CTNNA2: variants seen among roughly 807,000 people sequenced by gnomAD.
The protein encoded by CTNNA2 is catenin alpha 2.
CTNNA2 carries 42 observed loss-of-function variants against 101.0 expected under a neutral mutation model. The ratio of observed to expected loss-of-function variants is 0.42; its 90% CI spans 0.32 to 0.54. The LOEUF is 0.54. Ranked by LOEUF, CTNNA2 falls within the 20% of genes least tolerant of loss-of-function variation. CTNNA2 has a pLI of 0.14. For missense variants in CTNNA2, 871 were observed against 1,223.1 expected (o/e 0.71, Z 4.29); for synonymous variants, 450 against 456.4 (o/e 0.99, Z 0.18).
At chr2:79,578,584 T>A (rs544280374) in intron 1 of CTNNA2, among the ~76,000 whole-genome samples, 5 of 152,174 alleles carry the variant, frequency 3.3e-5, no homozygotes, top group African/African-American at 1.2e-4. Context: ...GATCTGATTA[T>A]TTTTTATTGT....
chr2:79,756,674 T>A (rs1672423194), intron 3 of CTNNA2, among the ~76,000 whole-genome samples: 2 of 152,110 alleles, frequency 1.3e-5, no homozygotes, highest in African/African-American at 2.4e-5. Context: ...AATTACATAT[T>A]TGATGAAAGA....
At chr2:79,947,942 T>G (rs972146228) in intron 7 of CTNNA2, among the ~76,000 whole-genome samples, 1 of 152,178 alleles carries the variant, frequency 6.6e-6, no homozygotes, top group East Asian at 1.9e-4. Context: ...GGGGACTGTG[T>G]GGCAACAGTG....
intron 7 of CTNNA2, among the ~76,000 whole-genome samples, chr2:79,967,081 T>C (rs1228386166): frequency 6.6e-6 from 1 of 150,654 alleles, no homozygotes; most frequent in Non-Finnish European, 1.5e-5. Flanking sequence ...CTGACTTCTC[T>C]GTGCTCAAGC....
chr2:79,596,726 C>T (rs1274263760), intron 1 of CTNNA2, among the ~76,000 whole-genome samples: 1 of 152,190 alleles, frequency 6.6e-6, no homozygotes, highest in Non-Finnish European at 1.5e-5. Flanking sequence ...TTCCATTTCT[C>T]TCTAAAACTC....
chr2:79,874,479 A>G (rs1409096753), intron 6 of CTNNA2, 137 bp downstream of exon 6: 3 of 1,047,878 alleles, frequency 2.9e-6, no homozygotes, highest in Middle Eastern at 3.2e-4. Flanking sequence ...AAGATAAACT[A>G]CATAATGCAT....
chr2:80,577,416 C>A (rs1434068216), intron 13 of CTNNA2, among the ~76,000 whole-genome samples: 2 of 151,984 alleles, frequency 1.3e-5, no homozygotes, highest in African/African-American at 4.8e-5. Context: ...ATGTTTCCGG[C>A]GGAGGAAATG....
At chr2:80,412,862 G>A (rs147912776) in intron 8 of CTNNA2, among the ~76,000 whole-genome samples, 122 of 152,190 alleles carry the variant, frequency 8.0e-4, no homozygotes, top group African/African-American at 2.9e-3. Context: ...TCATGGGGAT[G>A]GCAGAGAACA....
chr2:80,022,439 G>A lies in CTNNA2; in HGVS notation c.1056+112642G>A, dbSNP rs116278305. Among the ~76,000 whole-genome samples, 764 of 152,250 alleles carry A rather than the reference G, an allele frequency of 5.0e-3. 3 individuals carry two copies. The highest frequency in any genetic ancestry group is 0.017 in the Middle Eastern group (5 of 294). ...TAAACACAAACAAGGGTGGGAAAGC[G>A]TTTGATCTGAGAGCTGAAGGGCAAA... is the stretch of plus-strand genomic sequence containing the variant. On this transcript the variant is annotated intron_variant, in intron 7 of 18. Transcript: ENST00000402739.
At chr2:79,255,647 A>G (rs1390670517) in intron 2 of CTNNA2, among the ~76,000 whole-genome samples, 1 of 152,200 alleles carries the variant, frequency 6.6e-6, no homozygotes, top group East Asian at 1.9e-4. Context: ...TGGAAAGGCT[A>G]AATGGCAGAG....
rs1007944902 is a variant in CTNNA2, at chr2:79,393,326, T to C, written c.-135+19313T>C. ...AACAGCTTGGTAAGCAAAACCAGCG[T>C]CAAGTGCAAAGTTCTGCAAACTGTG... On this transcript the variant is annotated intron_variant, in intron 4 of 21. Coordinates refer to the CTNNA2 transcript ENST00000466387. Among the ~76,000 whole-genome samples, 4 of 152,250 alleles carry C rather than the reference T, an allele frequency of 2.6e-5. No homozygotes were observed. In the South Asian group the frequency reaches 8.3e-4, roughly 32 times the overall value.
intron 6 of CTNNA2, among the ~76,000 whole-genome samples, chr2:79,875,017 T>A (rs2916495): frequency 0.27 from 40,577 of 152,038 alleles, 5,681 homozygotes; most frequent in Middle Eastern, 0.35. Flanking sequence ...TTTAAATCAG[T>A]GATAAAGTAC....
chr2:80,288,647 TTA>T (rs1674976853), intron 7 of CTNNA2: 1 of 152,198 alleles, frequency 6.6e-6, no homozygotes, highest in South Asian at 2.1e-4. Context: ...GAAATTGCTG[TTA>T]TGCAGTCTGC....
At chr2:79,472,355 G>A (rs1030778030) in intron 4 of CTNNA2, among the ~76,000 whole-genome samples, 2 of 152,252 alleles carry the variant, frequency 1.3e-5, no homozygotes, top group African/African-American at 4.8e-5. Context: ...CTGTCTGCCA[G>A]GTGGCCTACT....
intron 7 of CTNNA2, among the ~76,000 whole-genome samples, chr2:80,210,435 T>C (rs1707812614): frequency 6.6e-6 from 1 of 152,088 alleles, no homozygotes; most frequent in African/African-American, 2.4e-5. Flanking sequence ...CATTGTTCAG[T>C]TCCCACCTAT....
chr2:80,084,375 A>T lies in CTNNA2; in HGVS notation c.1056+174578A>T, dbSNP rs117139694. 7.4e-4 allele frequency among the ~76,000 whole-genome samples: 113 copies of T among 152,236 alleles called. No individual in the cohort carries two copies. The East Asian group carries it at 0.021, about 28-fold the overall frequency. On this transcript the variant is annotated intron_variant, in intron 7 of 18. Coordinates refer to ENST00000402739, the MANE Select transcript of CTNNA2 (RefSeq NM_001282597.3). ...AGCACACACAATGCTTCTTACAGGCACTGCATTCTTTTGTTGTGGAGTTCT... is the reference window on the plus strand; with the variant it reads ...AGCACACACAATGCTTCTTACAGGCTCTGCATTCTTTTGTTGTGGAGTTCT...
intron 4 of CTNNA2, among the ~76,000 whole-genome samples, chr2:79,443,744 G>A (rs143455965): frequency 6.2e-4 from 94 of 152,092 alleles, no homozygotes; most frequent in Non-Finnish European, 1.1e-3. Context: ...ACATGCTGTG[G>A]TAGGCAGTTT....
At position 79,745,143 on chromosome 2, in the gene CTNNA2, A is replaced by G. The variant is rs376579886; in HGVS notation, c.298+561A>G. On this transcript the variant is annotated intron_variant, in intron 3 of 18. Transcript: ENST00000402739. ...TATAAAATATACAACATAAAGTTCT[A>G]ACTACGGCCGGGTGCGGTGGCTCAC... Among the ~76,000 whole-genome samples, 224 of 152,012 alleles carry G rather than the reference A, an allele frequency of 1.5e-3. 3 individuals are homozygous for G. Among genetic ancestry groups the G allele is most frequent in the African/African-American group, 4.7e-3 (197 of 41,566 alleles).
intron 2 of CTNNA2, among the ~76,000 whole-genome samples, chr2:79,654,511 TA>T (rs1200153866): frequency 6.6e-6 from 1 of 152,182 alleles, no homozygotes; most frequent in African/African-American, 2.4e-5. Context: ...CTTAAACTGT[TA>T]TATTTCCTTC....
chr2:79,751,411 T>G (rs564129781), intron 3 of CTNNA2, among the ~76,000 whole-genome samples: 4 of 151,970 alleles, frequency 2.6e-5, no homozygotes, highest in Admixed American at 2.6e-4. Flanking sequence ...CTGACCAACA[T>G]AGTGAAACCC....
Sources: allele counts gnomAD v4.1 joint callset (sites outside exome capture counted in the v4.1 genomes callset), GRCh38; gene constraint gnomAD v4.1.1; transcripts MANE v1.5; gene names NCBI Gene and HGNC (gene_info 2026-07-23, HGNC 2026-07-21).